Variants in ADAMTSL3 observed in about 807,000 individuals in gnomAD.
The protein encoded by ADAMTSL3 is ADAMTS like 3.
ADAMTSL3 carries 128 observed loss-of-function variants against 201.7 expected under a neutral mutation model. That is an observed-to-expected ratio of 0.63 (90% CI 0.55 to 0.73). The LOEUF is 0.73. ADAMTSL3 is among the 30% of genes least tolerant of loss of function. The probability of loss-of-function intolerance (pLI) is 0.00; values close to 1 mark genes in which losing one functional copy is unlikely to be tolerated. For synonymous variants in ADAMTSL3, 738 were observed against 748.4 expected (o/e 0.99, Z 0.23); for missense variants, 1,990 against 2,119.6 (o/e 0.94, Z 1.20).
chr15:83,740,477 T>C (rs946394815), intron 3 of ADAMTSL3, among the ~76,000 whole-genome samples: 5 of 152,214 alleles, frequency 3.3e-5, no homozygotes, highest in Admixed American at 6.5e-5. Context: ...GAGAACTGCA[T>C]ATCAAAACTC....
chr15:83,775,956 C>T (rs551838076), intron 4 of ADAMTSL3, among the ~76,000 whole-genome samples: 13 of 152,306 alleles, frequency 8.5e-5, no homozygotes, highest in Admixed American at 1.3e-4. Context: ...CACGTGCCCA[C>T]ATCTGGTTCA....
chr15:83,711,362 G>A (rs762373982), intron 3 of ADAMTSL3, among the ~76,000 whole-genome samples: 1 of 152,180 alleles, frequency 6.6e-6, no homozygotes. Flanking sequence ...GAAAGAAGAC[G>A]GACATAGCCC....
At chr15:83,786,932 C>G (rs955629725) in intron 4 of ADAMTSL3, among the ~76,000 whole-genome samples, 7 of 152,138 alleles carry the variant, frequency 4.6e-5, no homozygotes, top group Non-Finnish European at 1.0e-4. Flanking sequence ...CTTCATCATT[C>G]CGAGATCTGA....
At chr15:83,991,828 G>A (rs1353135810) in intron 23 of ADAMTSL3, among the ~76,000 whole-genome samples, 1 of 152,118 alleles carries the variant, frequency 6.6e-6, no homozygotes, top group African/African-American at 2.4e-5. Flanking sequence ...TTAATCTAGG[G>A]CCATCCTGTC....
rs184513821 is a variant in ADAMTSL3 at position 83,655,257 on chromosome 15, C to T, written c.-33-472C>T. 7.2e-5 allele frequency among the ~76,000 whole-genome samples: 11 copies of T among 152,338 alleles called. No individual in the cohort carries two copies. The East Asian group carries it at 1.2e-3, about 16-fold the overall frequency. On this transcript the variant is annotated intron_variant, in intron 1 of 29. Transcript: ENST00000286744. Reference sequence around the variant, plus strand: ...GTCATCTAGCGAGGAAAGCCTTGAACTATCAGAAGATCTGCGTTTCAGCCC... The same window carrying T: ...GTCATCTAGCGAGGAAAGCCTTGAATTATCAGAAGATCTGCGTTTCAGCCC...
chr15:83,989,245 C>G (rs529912953), intron 22 of ADAMTSL3, among the ~76,000 whole-genome samples: 2 of 152,332 alleles, frequency 1.3e-5, no homozygotes, highest in Non-Finnish European at 1.5e-5. Flanking sequence ...TCAGAATCAT[C>G]TGGAGTGCTT....
intron 28 of ADAMTSL3, among the ~76,000 whole-genome samples, chr15:84,033,352 A>G (rs1024410828): frequency 5.9e-5 from 9 of 152,200 alleles, no homozygotes; most frequent in Admixed American, 2.0e-4. Context: ...CAAATCCTCA[A>G]TGTGACCTAT....
At chr15:84,031,003 G>A (rs2068399169) in intron 27 of ADAMTSL3, among the ~76,000 whole-genome samples, 1 of 152,190 alleles carries the variant, frequency 6.6e-6, no homozygotes, top group African/African-American at 2.4e-5. Context: ...ATGATTGTAA[G>A]TCTTCTGAGG....
Position 83,983,296 on chromosome 15 carries a change from C to A in ADAMTSL3, c.3668C>A (p.Ala1223Asp). The A allele has an allele frequency of 6.3e-7, 1 of 1,594,920 alleles. No homozygotes were observed. The highest frequency in any genetic ancestry group is 8.5e-7 in the Non-Finnish European group (1 of 1,171,082). ...ILCDLITPSE[A>D]TYTWTKDGTL... Reference sequence around the variant, plus strand: ...TGTGACCTTATTACCCCCAGTGAGGCCACATATACATGGACCAAGGATGGA... The same window carrying A: ...TGTGACCTTATTACCCCCAGTGAGGACACATATACATGGACCAAGGATGGA... The change falls in exon 21 of 30, where the codon GCC (alanine) becomes GAC (aspartate). Residue 1223 changes from alanine to aspartate, a missense_variant. Transcript: ENST00000286744.
chr15:84,016,366 CT>C lies in ADAMTSL3; in HGVS notation c.4157-7del, dbSNP rs3215154. ...TAATGTCTAACTGGTAAAAGTGCTA[CT>C]TTTTTTTTTCCTCAGAACGAAGATG... On this transcript the variant is annotated splice_polypyrimidine_tract_variant and intron_variant, in intron 24 of 29. Coordinates refer to ENST00000286744, the MANE Select transcript of ADAMTSL3 (RefSeq NM_207517.3). The C allele has an allele frequency of 7.9e-4, 1,119 of 1,421,214 alleles. No individual in the cohort carries two copies. The highest frequency in any genetic ancestry group is 1.5e-3 in the South Asian group (115 of 79,122). 88.0% of individuals were successfully genotyped at this position (1,421,214 alleles called of 1,614,324 possible). A position where few individuals can be genotyped will look rare whatever the true frequency, so the allele number is the denominator to read the frequency against.
chr15:83,743,536 A>AAAAAAAG (rs2062492702), intron 3 of ADAMTSL3, among the ~76,000 whole-genome samples: 1 of 151,388 alleles, frequency 6.6e-6, no homozygotes, highest in Admixed American at 6.6e-5. Context: ...AAAAAAAAAA[A>AAAAAAAG]AAAAAAGTGT....
intron 4 of ADAMTSL3, among the ~76,000 whole-genome samples, chr15:83,775,419 A>G (rs2063055931): frequency 1.3e-5 from 2 of 152,016 alleles, no homozygotes; most frequent in African/African-American, 4.8e-5. Context: ...ATGAATAACC[A>G]CTTTCATCCT....
intron 8 of ADAMTSL3, among the ~76,000 whole-genome samples, chr15:83,865,973 A>T (rs1413764904): frequency 1.3e-5 from 2 of 152,260 alleles, no homozygotes; most frequent in Non-Finnish European, 2.9e-5. Context: ...ACTTCTCAAA[A>T]GAAGACATTT....
intron 2 of ADAMTSL3, among the ~76,000 whole-genome samples, chr15:83,686,680 C>T (rs2061540775): frequency 6.6e-6 from 1 of 152,104 alleles, no homozygotes; most frequent in South Asian, 2.1e-4. Context: ...TGTGAAGCCC[C>T]TTTAGGTATC....
chr15:83,942,789 G>T lies in ADAMTSL3; in HGVS notation c.2310+1G>T. The T allele has an allele frequency of 1.2e-6, 2 of 1,612,520 alleles. No individual in the cohort carries two copies. Among genetic ancestry groups the T allele is most frequent in the Non-Finnish European group, 1.7e-6 (2 of 1,179,288 alleles). Reference sequence around the variant, plus strand: ...CTGGCACATTGAAGAATGGCAGCAGGTAGGGCAGACTGGCCACTCCAGGGC... The same window carrying T: ...CTGGCACATTGAAGAATGGCAGCAGTTAGGGCAGACTGGCCACTCCAGGGC... On this transcript the variant is annotated splice_donor_variant, in intron 18 of 29. Transcript: ENST00000286744. LOFTEE classifies it high-confidence loss of function.
At chr15:83,866,725 A>G (rs956731336) in intron 8 of ADAMTSL3, among the ~76,000 whole-genome samples, 1 of 152,196 alleles carries the variant, frequency 6.6e-6, no homozygotes, top group Admixed American at 6.5e-5. Flanking sequence ...TAACCTGCAC[A>G]TTGTGTATGT....
intron 3 of ADAMTSL3, among the ~76,000 whole-genome samples, chr15:83,744,652 TTAA>T (rs1042346882): frequency 6.6e-6 from 1 of 152,198 alleles, no homozygotes; most frequent in African/African-American, 2.4e-5. Context: ...TACATCATTA[TTAA>T]GTATAGTCAC....
intron 4 of ADAMTSL3, among the ~76,000 whole-genome samples, chr15:83,792,466 A>C (rs2063358826): frequency 6.6e-6 from 1 of 152,216 alleles, no homozygotes. Flanking sequence ...GCTACTATGA[A>C]AAACAGTATA....
chr15:83,727,793 A>G (rs532992892), intron 3 of ADAMTSL3, among the ~76,000 whole-genome samples: 4 of 152,032 alleles, frequency 2.6e-5, no homozygotes, highest in Non-Finnish European at 5.9e-5. Context: ...CATGTGGTCT[A>G]TCCTTGAGAA....
Sources: gnomAD v4.1 joint callset for allele counts (sites outside exome capture counted in the v4.1 genomes callset) on GRCh38, gnomAD v4.1.1 for gene constraint, MANE v1.5 for transcripts, NCBI Gene and HGNC (gene_info 2026-07-23, HGNC 2026-07-21) for gene names.